The following NRG1 variants were observed in gnomAD, a reference collection of about 807,000 sequenced individuals.
The protein encoded by NRG1 is neuregulin 1.
NRG1 carries 18 observed loss-of-function variants against 63.8 expected under a neutral mutation model. The ratio of observed to expected loss-of-function variants is 0.28; its 90% confidence interval spans 0.19 to 0.42. The LOEUF (loss-of-function observed/expected upper bound fraction) is 0.42. NRG1 is among the 10% of genes least tolerant of loss of function. NRG1 has a pLI of 1.00. For missense variants in NRG1, 762 were observed against 814.7 expected (o/e 0.94, Z 0.79); for synonymous variants, 302 against 301.3 (o/e 1.00, Z -0.02).
At chr8:31,683,595 T>A (rs1333504003) in intron 1 of NRG1, among the ~76,000 whole-genome samples, 2 of 152,142 alleles carry the variant, frequency 1.3e-5, no homozygotes, top group African/African-American at 4.8e-5. Flanking sequence ...TGAAACTATT[T>A]TTTATGATTC....
At chr8:32,457,067 G>C (rs1160346117) in intron 1 of NRG1, among the ~76,000 whole-genome samples, 1 of 152,216 alleles carries the variant, frequency 6.6e-6, no homozygotes, top group Non-Finnish European at 1.5e-5. Context: ...TGGAGGCAGA[G>C]ATTGCAGTGA....
intron 1 of NRG1, among the ~76,000 whole-genome samples, chr8:32,229,376 A>G (rs1846662583): frequency 6.6e-6 from 1 of 152,202 alleles, no homozygotes; most frequent in Non-Finnish European, 1.5e-5. Context: ...ATTGTGAGTC[A>G]GGGTTCTCCT....
intron 1 of NRG1, among the ~76,000 whole-genome samples, chr8:32,004,184 G>A (rs187767168): frequency 1.2e-3 from 175 of 151,980 alleles, no homozygotes; most frequent in Middle Eastern, 6.8e-3. Context: ...GAAGACCATG[G>A]AGACAATAAA....
At chr8:31,738,104 AG>A (rs1586044237) in intron 1 of NRG1, among the ~76,000 whole-genome samples, 1 of 152,138 alleles carries the variant, frequency 6.6e-6, no homozygotes, top group East Asian at 1.9e-4. Flanking sequence ...GGATTTGGAA[AG>A]GGGTAAAACC....
At chr8:32,692,646 C>T (rs760302800) in intron 5 of NRG1, among the ~76,000 whole-genome samples, 21 of 152,106 alleles carry the variant, frequency 1.4e-4, no homozygotes, top group Non-Finnish European at 2.2e-4. Flanking sequence ...TTGATTACTT[C>T]GGGCCCAAAT....
intron 1 of NRG1, among the ~76,000 whole-genome samples, chr8:32,115,862 C>G (rs910613169): frequency 5.9e-5 from 9 of 152,060 alleles, no homozygotes; most frequent in Non-Finnish European, 1.2e-4. Flanking sequence ...GTGTGGCTGC[C>G]AAGTCAATGC....
chr8:32,127,919 G>A (rs1397684923), intron 1 of NRG1, among the ~76,000 whole-genome samples: 1 of 151,800 alleles, frequency 6.6e-6, no homozygotes, highest in Non-Finnish European at 1.5e-5. Flanking sequence ...GAGCAACATA[G>A]TTAGACCCCA....
At chr8:31,964,839 G>C (rs1470685017) in intron 1 of NRG1, among the ~76,000 whole-genome samples, 1 of 152,146 alleles carries the variant, frequency 6.6e-6, no homozygotes, top group Non-Finnish European at 1.5e-5. Flanking sequence ...CTTGTCTAGA[G>C]ACACCCAGCT....
Position 31,777,328 on chromosome 8 carries a change from C to A in NRG1, c.37+137897C>A, listed in dbSNP as rs1293075784. Among the ~76,000 whole-genome samples the A allele has an allele frequency of 2.6e-5, 4 of 152,212 alleles. No homozygotes were observed. In the East Asian group the frequency reaches 7.7e-4, roughly 29 times the overall value. ...CTATTAATTTGTTTAGTCTTTACAA[C>A]TGTTCACTCCACTTCCTGTTAGGGA... On this transcript the variant is annotated intron_variant, in intron 1 of 10. Transcript: ENST00000519301.
intron 1 of NRG1, among the ~76,000 whole-genome samples, chr8:32,027,693 G>C (rs1048847115): frequency 5.3e-5 from 8 of 152,056 alleles, no homozygotes; most frequent in Non-Finnish European, 1.2e-4. Context: ...TAATCTATGG[G>C]AATACTGGGT....
intron 1 of NRG1, among the ~76,000 whole-genome samples, chr8:31,697,225 G>A (rs1026678097): frequency 6.6e-6 from 1 of 152,100 alleles, no homozygotes; most frequent in Non-Finnish European, 1.5e-5. Context: ...ACTTTTCTTT[G>A]CAAATTGAAT....
At chr8:31,823,491 T>C (rs909716494) in intron 1 of NRG1, among the ~76,000 whole-genome samples, 5 of 152,198 alleles carry the variant, frequency 3.3e-5, no homozygotes, top group African/African-American at 1.2e-4. Context: ...AGAGTTGGTT[T>C]GCTTTTAAAG....
At chr8:32,203,513 A>G (rs1391137965) in intron 1 of NRG1, among the ~76,000 whole-genome samples, 1 of 151,900 alleles carries the variant, frequency 6.6e-6, no homozygotes, top group African/African-American at 2.4e-5. Flanking sequence ...AGCTGGGACT[A>G]CAGGCACCAG....
At chr8:32,181,190 C>A (rs192223024) in intron 1 of NRG1, among the ~76,000 whole-genome samples, 1 of 152,272 alleles carries the variant, frequency 6.6e-6, no homozygotes, top group African/African-American at 2.4e-5. Flanking sequence ...TCCACAGATG[C>A]TTGGGAGGAT....
chr8:32,112,609 A>C (rs1203283249), intron 1 of NRG1, among the ~76,000 whole-genome samples: 1 of 152,194 alleles, frequency 6.6e-6, no homozygotes, highest in East Asian at 1.9e-4. Flanking sequence ...TCCTATTTGC[A>C]TCCTTTCCAC....
At chr8:31,675,585 G>C (rs1807608049) in intron 1 of NRG1, among the ~76,000 whole-genome samples, 1 of 152,098 alleles carries the variant, frequency 6.6e-6, no homozygotes, top group African/African-American at 2.4e-5. Flanking sequence ...TTTCCACTTG[G>C]AGCTTTTGTT....
At chr8:32,629,502 A>G (rs1325766198) in intron 5 of NRG1, among the ~76,000 whole-genome samples, 1 of 152,214 alleles carries the variant, frequency 6.6e-6, no homozygotes, top group African/African-American at 2.4e-5. Flanking sequence ...TCATTTTTTA[A>G]GTTGTACACA....
At chr8:32,414,206 T>C (rs951439839) in intron 1 of NRG1, among the ~76,000 whole-genome samples, 1 of 152,146 alleles carries the variant, frequency 6.6e-6, no homozygotes, top group Admixed American at 6.5e-5. Context: ...CTTTGAAGTA[T>C]TGGCATTGCT....
intron 1 of NRG1, among the ~76,000 whole-genome samples, chr8:32,590,740 T>G (rs1235089462): frequency 2.0e-5 from 3 of 152,148 alleles, no homozygotes; most frequent in Non-Finnish European, 4.4e-5. Context: ...TGAATTCTAT[T>G]AACAGATAGC....
Sources: allele counts gnomAD v4.1 joint callset (sites outside exome capture counted in the v4.1 genomes callset), GRCh38; gene constraint gnomAD v4.1.1; transcripts MANE v1.5; gene names NCBI Gene and HGNC (gene_info 2026-07-23, HGNC 2026-07-21).